POT1: variants seen among roughly 807,000 people sequenced by gnomAD.
POT1 encodes protection of telomeres protein 1.
In POT1, 47 loss-of-function variants were observed where a neutral mutation model predicts 78.5. The observed-to-expected ratio is 0.60, with a 90% CI of 0.47 to 0.76. The LOEUF is 0.76. POT1 is among the 30% of genes least tolerant of loss of function. The pLI, the probability that POT1 is intolerant of heterozygous loss-of-function variation, is 0.00. For synonymous variants in POT1, 259 were observed against 260.7 expected, an observed-to-expected ratio of 0.99 and a Z score of 0.06; for missense variants, 646 against 749.9, an observed-to-expected ratio of 0.86 and a Z score of 1.62.
intron 3 of POT1, among the ~76,000 whole-genome samples, chr7:124,915,069 A>G (rs765025045): frequency 6.6e-6 from 1 of 152,206 alleles, no homozygotes; most frequent in Non-Finnish European, 1.5e-5. Context: ...TGTAAATTCA[A>G]TAAGACAAGA....
intron 3 of POT1, chr7:124,900,845 AT>A: frequency 2.6e-6 from 1 of 389,810 alleles, no homozygotes; most frequent in Non-Finnish European, 5.3e-6. Context: ...ACACCAGGAG[AT>A]TATATCCCAT....
At chr7:124,860,699 C>T (rs1368052555) in intron 8 of POT1, among the ~76,000 whole-genome samples, 2 of 152,024 alleles carry the variant, frequency 1.3e-5, no homozygotes, top group Non-Finnish European at 2.9e-5. Context: ...TAGTGGTTTG[C>T]TGTACCCATC....
intron 3 of POT1, among the ~76,000 whole-genome samples, chr7:124,909,469 C>T (rs539778109): frequency 6.6e-6 from 1 of 151,858 alleles, no homozygotes; most frequent in Admixed American, 6.6e-5. Context: ...AAAAGTTTTA[C>T]CTTTGGGTTG....
chr7:124,861,725 T>C (rs897053494), intron 8 of POT1, among the ~76,000 whole-genome samples: 5 of 152,222 alleles, frequency 3.3e-5, no homozygotes, highest in Admixed American at 6.5e-5. Context: ...TCTAGGGTTT[T>C]TATGGTTTTA....
At chr7:124,919,133 C>T (rs1421583528) in intron 2 of POT1, among the ~76,000 whole-genome samples, 1 of 151,976 alleles carries the variant, frequency 6.6e-6, no homozygotes, top group Non-Finnish European at 1.5e-5. Context: ...AGCTATAAAC[C>T]TGTACAACAT....
chr7:124,847,016 C>T lies in POT1; in HGVS notation c.950-18G>A. ...TCCAGAGCCTATAAAAAGGAAAAGG[C>T]AAAAAAATTAAGTCCATTACAACTT... On this transcript the variant is annotated intron_variant, in intron 11 of 18. Coordinates refer to ENST00000357628, the MANE Select transcript of POT1 (RefSeq NM_015450.3). 1 of 1,569,946 alleles carries T rather than the reference C, an allele frequency of 6.4e-7. No individual in the cohort carries two copies. The highest frequency in any genetic ancestry group is 1.7e-5 in the Admixed American group (1 of 58,134).
chr7:124,859,151 A>T (rs1795522641), intron 8 of POT1, 39 bp from the exon 9 acceptor site: 1 of 1,423,558 alleles, frequency 7.0e-7, no homozygotes, highest in African/African-American at 1.4e-5. Context: ...GATCCTTTTG[A>T]AAAAATGCTT....
chr7:124,851,331 A>C (rs1464525552), intron 11 of POT1, among the ~76,000 whole-genome samples: 8 of 152,054 alleles, frequency 5.3e-5, no homozygotes, highest in Admixed American at 5.2e-4. Flanking sequence ...AGAAATTAAG[A>C]CAAAGTGGTA....
At chr7:124,827,173 AT>A (rs1416250063) in intron 17 of POT1, 40 bp downstream of exon 17, 4 of 1,171,338 alleles carry the variant, frequency 3.4e-6, no homozygotes, top group East Asian at 2.8e-5. Context: ...TTTAAATATT[AT>A]TTTTTAATTA....
chr7:124,860,672 T>C (rs1337547849), intron 8 of POT1, among the ~76,000 whole-genome samples: 7 of 152,112 alleles, frequency 4.6e-5, no homozygotes, highest in Non-Finnish European at 1.0e-4. Context: ...GTTTGTTACA[T>C]AGGTATACAC....
In POT1 at chr7:124,830,677, ATATT is replaced by A. The variant is rs371780760; in HGVS notation, c.1506-1339_1506-1336del. Among the ~76,000 whole-genome samples the A allele has an allele frequency of 6.4e-3, 982 of 152,270 alleles. 13 individuals carry two copies. The highest frequency in any genetic ancestry group is 0.022 in the African/African-American group (912 of 41,578). ...CTAAATATATCAATAACTTAAGAAC[ATATT>A]TAAACTCCACTATTAAAACTAAAAT... is the stretch of plus-strand genomic sequence containing the variant. On this transcript the variant is annotated intron_variant, in intron 15 of 18. Coordinates refer to ENST00000357628, the MANE Select transcript of POT1 (RefSeq NM_015450.3).
intron 7 of POT1, among the ~76,000 whole-genome samples, chr7:124,869,548 T>C (rs1377024010): frequency 6.6e-6 from 1 of 152,124 alleles, no homozygotes; most frequent in East Asian, 1.9e-4. Context: ...TAAATAAGTA[T>C]GTATTACATT....
At position 124,856,268 on chromosome 7, in the gene POT1, C is replaced by T. The variant is rs535201440; in HGVS notation, c.702+2689G>A. ...ATCAATGTCACGTGAGTGAAGAGTTCCTAAATTAAGAAGAAATGTTACAGA... is the reference window on the plus strand; with the variant it reads ...ATCAATGTCACGTGAGTGAAGAGTTTCTAAATTAAGAAGAAATGTTACAGA... On this transcript the variant is annotated intron_variant, in intron 9 of 18. Coordinates refer to ENST00000357628, the MANE Select transcript of POT1 (RefSeq NM_015450.3). Among the ~76,000 whole-genome samples, 5 of 152,008 alleles carry T rather than the reference C, an allele frequency of 3.3e-5. No individual in the cohort carries two copies. The South Asian group carries it at 1.0e-3, about 32-fold the overall frequency.
intron 17 of POT1, among the ~76,000 whole-genome samples, chr7:124,826,388 TA>T: frequency 6.6e-6 from 1 of 152,302 alleles, no homozygotes; most frequent in African/African-American, 2.4e-5. Flanking sequence ...ACTGTCAGTA[TA>T]ACAGTTTTCA....
At chr7:124,879,303 T>C (rs183587475) in intron 6 of POT1, among the ~76,000 whole-genome samples, 81 of 152,236 alleles carry the variant, frequency 5.3e-4, no homozygotes, top group Admixed American at 1.1e-3. Context: ...TACATCTTGG[T>C]CTATTGCAAG....
chr7:124,825,208 C>T (rs1299779714), intron 18 of POT1, 44 bp downstream of exon 18: 3 of 1,323,922 alleles, frequency 2.3e-6, no homozygotes, highest in Non-Finnish European at 2.2e-6. Context: ...TTAGTGCTAT[C>T]TCAAGTAAAA....
At chr7:124,856,337 T>C (rs1426194410) in intron 9 of POT1, among the ~76,000 whole-genome samples, 1 of 152,180 alleles carries the variant, frequency 6.6e-6, no homozygotes, top group Non-Finnish European at 1.5e-5. Flanking sequence ...GTGTATTAAA[T>C]AAAAATCTAA....
chr7:124,897,635 G>A (rs1021060833), intron 4 of POT1, among the ~76,000 whole-genome samples: 1 of 151,768 alleles, frequency 6.6e-6, no homozygotes, highest in Non-Finnish European at 1.5e-5. Flanking sequence ...ATAAGGAAGT[G>A]CTTCAGTGAT....
chr7:124,901,568 A>G (rs1796620845), intron 3 of POT1, among the ~76,000 whole-genome samples: 1 of 152,248 alleles, frequency 6.6e-6, no homozygotes, highest in Non-Finnish European at 1.5e-5. Context: ...CACAAAGGTC[A>G]GGAGAAACCA....
Sources: gnomAD v4.1 joint callset for allele counts (sites outside exome capture counted in the v4.1 genomes callset) on GRCh38, gnomAD v4.1.1 for gene constraint, MANE v1.5 for transcripts, NCBI Gene and HGNC (gene_info 2026-07-23, HGNC 2026-07-21) for gene names.